The following TENM2 variants were observed in gnomAD, a reference collection of about 807,000 sequenced individuals.
The protein encoded by TENM2 is teneurin transmembrane protein 2.
TENM2 carries 52 observed loss-of-function variants against 245.2 expected under a neutral mutation model. That is an observed-to-expected ratio of 0.21 (90% confidence interval 0.17 to 0.27). The LOEUF (loss-of-function observed/expected upper bound fraction) is 0.27, where lower values mean the gene tolerates loss of function less well. TENM2 is among the 10% of genes least tolerant of loss of function. The pLI is 1.00. For missense variants in TENM2, 3,046 were observed against 3,666.8 expected, an observed-to-expected ratio of 0.83 and a Z score of 4.37; for synonymous variants, 1,363 against 1,438.9, an observed-to-expected ratio of 0.95 and a Z score of 1.19.
intron 3 of TENM2, among the ~76,000 whole-genome samples, chr5:167,923,024 T>G (rs544945922): frequency 1.9e-4 from 29 of 152,286 alleles, no homozygotes; most frequent in Middle Eastern, 6.8e-3. Flanking sequence ...TCTCTTATAC[T>G]CTAATCGAGG....
chr5:167,791,029 C>A (rs1764918710), intron 2 of TENM2, among the ~76,000 whole-genome samples: 1 of 152,186 alleles, frequency 6.6e-6, no homozygotes, highest in South Asian at 2.1e-4. Flanking sequence ...CCATGCATGT[C>A]TCTGCCAGAG....
At chr5:167,561,278 A>G (rs1225186220) in intron 2 of TENM2, among the ~76,000 whole-genome samples, 2 of 152,234 alleles carry the variant, frequency 1.3e-5, no homozygotes, top group Admixed American at 1.3e-4. Flanking sequence ...TCATTCTTTA[A>G]TATCAAAGAG....
chr5:167,564,911 C>G (rs1015658276), intron 2 of TENM2, among the ~76,000 whole-genome samples: 1 of 152,232 alleles, frequency 6.6e-6, no homozygotes, highest in African/African-American at 2.4e-5. Context: ...ATCCCAGAGT[C>G]TGGCCAATCC....
At chr5:167,023,185 A>G in the TENM2 span, among the ~76,000 whole-genome samples, 2 of 152,354 alleles carry the variant, frequency 1.3e-5, no homozygotes, top group South Asian at 4.1e-4. Flanking sequence ...GGTCCAATCC[A>G]AGGACAATAA....
chr5:167,948,307 C>A (rs1454057460), intron 3 of TENM2, among the ~76,000 whole-genome samples: 1 of 152,216 alleles, frequency 6.6e-6, no homozygotes, highest in Non-Finnish European at 1.5e-5. Flanking sequence ...TTAGGAAGGA[C>A]AGACTATGTG....
chr5:167,251,163 C>T, the TENM2 span, among the ~76,000 whole-genome samples: 1 of 152,024 alleles, frequency 6.6e-6, no homozygotes, highest in African/African-American at 2.4e-5. Flanking sequence ...AGAAAAGGAA[C>T]GTGTTGTAAA....
At chr5:167,058,523 G>C in the TENM2 span, among the ~76,000 whole-genome samples, 3 of 152,172 alleles carry the variant, frequency 2.0e-5, no homozygotes, top group African/African-American at 7.2e-5. Flanking sequence ...CTTTGGGATG[G>C]TAAGGCAGGA....
At chr5:167,411,246 A>G (rs1160288707) in intron 2 of TENM2, among the ~76,000 whole-genome samples, 1 of 152,114 alleles carries the variant, frequency 6.6e-6, no homozygotes, top group East Asian at 1.9e-4. Flanking sequence ...AGTATACTTG[A>G]CTTTTGCATG....
intron 13 of TENM2, among the ~76,000 whole-genome samples, chr5:168,174,398 A>G (rs1759143462): frequency 6.6e-6 from 1 of 152,162 alleles, no homozygotes; most frequent in African/African-American, 2.4e-5. Flanking sequence ...TTTCTACCTC[A>G]TAGGATACTG....
At chr5:168,226,974 G>T (rs962826826) in intron 24 of TENM2, among the ~76,000 whole-genome samples, 20 of 152,196 alleles carry the variant, frequency 1.3e-4, no homozygotes, top group African/African-American at 4.6e-4. Context: ...CCACAGCGGA[G>T]CCTGTTTCAA....
At chr5:167,445,336 T>TATATATATATATAGAG (rs368881390) in intron 2 of TENM2, among the ~76,000 whole-genome samples, 2 of 77,308 alleles carry the variant, frequency 2.6e-5, no homozygotes, top group African/African-American at 1.1e-4. Context: ...TATATATATA[T>TATATATATATATAGAG]AGAGAGAGAG....
chr5:167,315,909 C>T (rs564682455), intron 1 of TENM2, among the ~76,000 whole-genome samples: 2 of 152,238 alleles, frequency 1.3e-5, no homozygotes, highest in African/African-American at 4.8e-5. Flanking sequence ...AGAAATCCAC[C>T]TTGTGAAATA....
At chr5:167,322,893 A>G (rs1489185682) in intron 1 of TENM2, among the ~76,000 whole-genome samples, 1 of 152,246 alleles carries the variant, frequency 6.6e-6, no homozygotes, top group African/African-American at 2.4e-5. Context: ...CCATGGTGAC[A>G]GATGCACTAA....
intron 2 of TENM2, among the ~76,000 whole-genome samples, chr5:167,532,378 T>C (rs925455603): frequency 6.6e-6 from 1 of 151,928 alleles, no homozygotes; most frequent in Non-Finnish European, 1.5e-5. Flanking sequence ...CGAGACTGGG[T>C]ATTTTATACA....
At chr5:166,980,523 C>G in the TENM2 span, among the ~76,000 whole-genome samples, 1 of 152,254 alleles carries the variant, frequency 6.6e-6, no homozygotes, top group East Asian at 1.9e-4. Context: ...GCATTCATAT[C>G]ATTTAAAGTT....
chr5:167,029,654 A>G, the TENM2 span, among the ~76,000 whole-genome samples: 21 of 152,178 alleles, frequency 1.4e-4, no homozygotes, highest in South Asian at 8.3e-4. Context: ...TCCCTTCCTC[A>G]TGGGGCTGTT....
chr5:167,475,689 C>T (rs538434486), intron 2 of TENM2, among the ~76,000 whole-genome samples: 5 of 152,056 alleles, frequency 3.3e-5, no homozygotes, highest in Admixed American at 6.6e-5. Context: ...TGATGTTCCC[C>T]TCCCTGTCCC....
intron 2 of TENM2, among the ~76,000 whole-genome samples, chr5:167,623,219 G>C (rs747769354): frequency 6.6e-6 from 1 of 152,052 alleles, no homozygotes. Flanking sequence ...AAATAAAAAG[G>C]AGACTGCATT....
chr5:168,089,551 C>T (rs1224833004), intron 7 of TENM2, among the ~76,000 whole-genome samples: 1 of 152,168 alleles, frequency 6.6e-6, no homozygotes, highest in Non-Finnish European at 1.5e-5. Flanking sequence ...ACTTCCATTT[C>T]TGAACCTGGT....
Sources: allele counts gnomAD v4.1 joint callset (sites outside exome capture counted in the v4.1 genomes callset), GRCh38; gene constraint gnomAD v4.1.1; transcripts MANE v1.5; gene names NCBI Gene and HGNC (gene_info 2026-07-23, HGNC 2026-07-21).